Variants in DENND1B observed in about 807,000 individuals in gnomAD.
DENND1B encodes DENN domain containing 1B.
DENND1B carries 59 observed loss-of-function variants against 90.1 expected under a neutral mutation model. The ratio of observed to expected loss-of-function variants is 0.65; its 90% CI spans 0.53 to 0.81. The LOEUF (loss-of-function observed/expected upper bound fraction) is 0.81. Ranked by LOEUF, DENND1B falls within the 40% of genes least tolerant of loss-of-function variation. The pLI is 0.00. For missense variants in DENND1B, 862 were observed against 912.6 expected, an observed-to-expected ratio of 0.94 and a Z score of 0.71; for synonymous variants, 337 against 324.6, an observed-to-expected ratio of 1.04 and a Z score of -0.41.
chr1:197,691,986 T>C (rs1179356908), intron 3 of DENND1B, among the ~76,000 whole-genome samples: 2 of 151,918 alleles, frequency 1.3e-5, no homozygotes, highest in Admixed American at 6.6e-5. Flanking sequence ...CAAGTTGCTG[T>C]TCAACAGGTA....
At chr1:197,775,790 A>G (rs1010679461), upstream of DENND1B, 1 of 152,338 alleles carries the variant, frequency 6.6e-6, no homozygotes, top group African/African-American at 2.4e-5. Context: ...AGTACCTGGA[A>G]AAGTACCTCG....
intron 14 of DENND1B, among the ~76,000 whole-genome samples, chr1:197,593,675 A>G (rs1278800481): frequency 6.6e-6 from 1 of 152,074 alleles, no homozygotes; most frequent in Non-Finnish European, 1.5e-5. Flanking sequence ...ACAAACTGAT[A>G]GTTTAAATCA....
intron 15 of DENND1B, among the ~76,000 whole-genome samples, chr1:197,574,797 A>C (rs1007131830): frequency 6.6e-6 from 1 of 152,142 alleles, no homozygotes; most frequent in Non-Finnish European, 1.5e-5. Flanking sequence ...ACACAACTAC[A>C]ACCATCTGAT....
At chr1:197,674,018 T>G in intron 4 of DENND1B, 102 bp downstream of exon 4, 1 of 841,152 alleles carries the variant, frequency 1.2e-6, no homozygotes, top group East Asian at 2.8e-5. Context: ...TGAGAAGCAA[T>G]AAAGAGAAGG....
Position 197,743,741 on chromosome 1 carries a change from C to T in DENND1B, c.83-28667G>A, listed in dbSNP as rs1284461152. Reference sequence around the variant, plus strand: ...TGCAGGCCTGAAGTCCTAGCTGCTACGGAGGCTGAGGCAGTAGGACTGCTT... The same window carrying T: ...TGCAGGCCTGAAGTCCTAGCTGCTATGGAGGCTGAGGCAGTAGGACTGCTT... On this transcript the variant is annotated intron_variant, in intron 2 of 22. Coordinates refer to ENST00000620048, the MANE Select transcript of DENND1B (RefSeq NM_001195215.2). 3.3e-5 allele frequency among the ~76,000 whole-genome samples: 5 copies of T among 152,084 alleles called. No individual in the cohort carries two copies. The East Asian group carries it at 5.8e-4, about 18-fold the overall frequency.
intron 10 of DENND1B, among the ~76,000 whole-genome samples, chr1:197,640,084 C>G (rs1250893066): frequency 1.3e-5 from 2 of 152,186 alleles, no homozygotes; most frequent in East Asian, 1.9e-4. Context: ...AAATACTAAG[C>G]CTTTATGATA....
At chr1:197,679,437 A>G (rs554907994) in intron 3 of DENND1B, among the ~76,000 whole-genome samples, 3 of 151,842 alleles carry the variant, frequency 2.0e-5, no homozygotes, top group African/African-American at 7.2e-5. Flanking sequence ...ATTAGATAGT[A>G]TAAGAAATCT....
chr1:197,599,047 C>T (rs983806530), intron 13 of DENND1B, among the ~76,000 whole-genome samples: 1 of 151,758 alleles, frequency 6.6e-6, no homozygotes, highest in African/African-American at 2.4e-5. Context: ...TTCACTGCAG[C>T]ATGAATAATA....
At chr1:197,528,325 A>G (rs1207791188) in intron 20 of DENND1B, among the ~76,000 whole-genome samples, 1 of 152,186 alleles carries the variant, frequency 6.6e-6, no homozygotes, top group Non-Finnish European at 1.5e-5. Context: ...TTTACTTGTA[A>G]GTCTCTGCAT....
intron 15 of DENND1B, among the ~76,000 whole-genome samples, chr1:197,574,129 T>C (rs1381584122): frequency 6.6e-6 from 1 of 152,148 alleles, no homozygotes; most frequent in South Asian, 2.1e-4. Context: ...TGTATTCAAT[T>C]AGGAAAAGAG....
chr1:197,570,014 GTTAA>G (rs1031947665), intron 15 of DENND1B, among the ~76,000 whole-genome samples: 8 of 152,004 alleles, frequency 5.3e-5, no homozygotes, highest in African/African-American at 9.7e-5. Flanking sequence ...CAAAATTGAT[GTTAA>G]TTAATTTAGC....
chr1:197,718,558 A>G (rs1176864327), intron 2 of DENND1B, among the ~76,000 whole-genome samples: 1 of 152,072 alleles, frequency 6.6e-6, no homozygotes, highest in Non-Finnish European at 1.5e-5. Flanking sequence ...GAGCATCTAT[A>G]TATATAATGT....
chr1:197,733,427 A>T (rs1291557058), intron 2 of DENND1B, among the ~76,000 whole-genome samples: 1 of 152,128 alleles, frequency 6.6e-6, no homozygotes, highest in Non-Finnish European at 1.5e-5. Context: ...TTTCCCCCTT[A>T]CCAGCTTATT....
chr1:197,641,438 CT>C (rs1680259746), intron 10 of DENND1B, among the ~76,000 whole-genome samples: 1 of 152,106 alleles, frequency 6.6e-6, no homozygotes, highest in African/African-American at 2.4e-5. Context: ...AAAAAAATTA[CT>C]TGTGTCATTG....
chr1:197,718,141 G>A (rs542560130), intron 2 of DENND1B, among the ~76,000 whole-genome samples: 2 of 152,046 alleles, frequency 1.3e-5, no homozygotes, highest in East Asian at 3.9e-4. Context: ...GATGTGAGGA[G>A]CATATGTTTT....
At chr1:197,625,992 C>T (rs1233694197) in intron 10 of DENND1B, among the ~76,000 whole-genome samples, 1 of 152,028 alleles carries the variant, frequency 6.6e-6, no homozygotes, top group South Asian at 2.1e-4. Context: ...TACATATGCA[C>T]CCAATACAGG....
intron 3 of DENND1B, among the ~76,000 whole-genome samples, chr1:197,687,729 G>A (rs777234135): frequency 1.1e-4 from 16 of 151,982 alleles, no homozygotes; most frequent in Non-Finnish European, 1.5e-4. Flanking sequence ...GTGAAAAACT[G>A]GAAGTCTTTC....
intron 10 of DENND1B, among the ~76,000 whole-genome samples, chr1:197,632,730 C>G (rs1052171172): frequency 1.3e-5 from 2 of 152,098 alleles, no homozygotes; most frequent in African/African-American, 4.8e-5. Context: ...TTTTTAACTC[C>G]TTCCTATTTA....
At chr1:197,762,001 T>G (rs1655115925) in intron 2 of DENND1B, 2 of 152,204 alleles carry the variant, frequency 1.3e-5, no homozygotes, top group African/African-American at 4.8e-5. Context: ...ATTCAATTTT[T>G]TTTAAGATTT....
Sources: gnomAD v4.1 joint callset for allele counts (sites outside exome capture counted in the v4.1 genomes callset) on GRCh38, gnomAD v4.1.1 for gene constraint, MANE v1.5 for transcripts, NCBI Gene and HGNC (gene_info 2026-07-23, HGNC 2026-07-21) for gene names.